NRXN3: variants seen among roughly 807,000 people sequenced by gnomAD.
NRXN3 encodes the protein neurexin 3.
In NRXN3, 32 loss-of-function variants were observed where a neutral mutation model predicts 137.6. The ratio of observed to expected loss-of-function variants is 0.23; its 90% CI spans 0.18 to 0.31. NRXN3 has a LOEUF of 0.31. NRXN3 is among the 10% of genes least tolerant of loss of function. The probability of loss-of-function intolerance (pLI) is 1.00; values close to 1 mark genes in which losing one functional copy is unlikely to be tolerated. For synonymous variants in NRXN3, 798 were observed against 784.5 expected, an observed-to-expected ratio of 1.02 and a Z score of -0.29; for missense variants, 1,574 against 2,062.5, an observed-to-expected ratio of 0.76 and a Z score of 4.59.
intron 15 of NRXN3, among the ~76,000 whole-genome samples, chr14:78,993,197 G>T (rs1384121870): frequency 2.6e-5 from 4 of 152,072 alleles, no homozygotes; most frequent in African/African-American, 9.7e-5. Context: ...TTTATTTATT[G>T]TGTGGGTTTA....
At chr14:78,237,094 A>G (rs2066419807) in intron 1 of NRXN3, among the ~76,000 whole-genome samples, 1 of 152,194 alleles carries the variant, frequency 6.6e-6, no homozygotes, top group African/African-American at 2.4e-5. Flanking sequence ...CCCATATCCT[A>G]TGCCTTTGTT....
intron 1 of NRXN3, among the ~76,000 whole-genome samples, chr14:78,191,984 C>T (rs1218664406): frequency 6.6e-6 from 1 of 151,786 alleles, no homozygotes; most frequent in African/African-American, 2.4e-5. Flanking sequence ...GGTACAAAAT[C>T]CTGGTATTCC....
chr14:79,066,572 T>G (rs1444937653), intron 15 of NRXN3, among the ~76,000 whole-genome samples: 2 of 152,212 alleles, frequency 1.3e-5, no homozygotes, highest in African/African-American at 4.8e-5. Context: ...TAAATTACTT[T>G]GGGCAGTATG....
rs112370292 is a variant in NRXN3, at chr14:79,650,071, G to T, written c.3445-13707G>T. Among the ~76,000 whole-genome samples, 106 of 152,238 alleles carry T rather than the reference G, an allele frequency of 7.0e-4. 1 individual carries two copies. Among genetic ancestry groups the T allele is most frequent in the African/African-American group, 2.5e-3 (102 of 41,546 alleles). On this transcript the variant is annotated intron_variant, in intron 16 of 20. Coordinates refer to ENST00000335750, the MANE Select transcript of NRXN3 (RefSeq NM_001330195.2). The stretch of plus-strand genomic sequence containing the variant: ...GGCAGGTAGTGCAGGAATTGAACTT[G>T]GTTGGAGGACATCCAGCTGGTGTCT...
At chr14:78,588,508 G>A (rs1037642346) in intron 4 of NRXN3, among the ~76,000 whole-genome samples, 1 of 152,184 alleles carries the variant, frequency 6.6e-6, no homozygotes, top group Non-Finnish European at 1.5e-5. Context: ...ATACAGGGCT[G>A]AGATGTGAAC....
intron 15 of NRXN3, among the ~76,000 whole-genome samples, chr14:79,104,819 A>C (rs1344259332): frequency 7.1e-6 from 1 of 141,468 alleles, no homozygotes; most frequent in Non-Finnish European, 1.5e-5. Flanking sequence ...TAATCTTATG[A>C]TAGGGCTTTT....
At chr14:79,257,307 A>G (rs2098903658) in intron 15 of NRXN3, among the ~76,000 whole-genome samples, 2 of 121,596 alleles carry the variant, frequency 1.6e-5, no homozygotes, top group African/African-American at 3.2e-5. Flanking sequence ...AAAGAGTCAC[A>G]TGCTAGAAGT....
intron 20 of NRXN3, chr14:79,854,084 A>G: frequency 1.0e-6 from 1 of 983,994 alleles, no homozygotes; most frequent in Non-Finnish European, 1.2e-6. Context: ...TTTGCTCAAA[A>G]GTTTTTAAGA....
chr14:79,860,536 A>G (rs1195798118), intron 20 of NRXN3, among the ~76,000 whole-genome samples: 1 of 152,218 alleles, frequency 6.6e-6, no homozygotes, highest in Non-Finnish European at 1.5e-5. Context: ...AAAAGACACA[A>G]TCTTTTATGT....
At chr14:79,272,638 A>G (rs1260679100) in intron 15 of NRXN3, among the ~76,000 whole-genome samples, 1 of 152,210 alleles carries the variant, frequency 6.6e-6, no homozygotes, top group East Asian at 1.9e-4. Context: ...AGAGCAGATT[A>G]GGATCTTGAG....
chr14:78,863,414 T>C (rs1442344556), intron 10 of NRXN3, among the ~76,000 whole-genome samples: 1 of 152,098 alleles, frequency 6.6e-6, no homozygotes, highest in Non-Finnish European at 1.5e-5. Context: ...TTTTCCATTG[T>C]TGTTTCTTAT....
chr14:79,720,423 C>G (rs1354245219), intron 19 of NRXN3, among the ~76,000 whole-genome samples: 2 of 152,102 alleles, frequency 1.3e-5, no homozygotes, highest in East Asian at 3.9e-4. Context: ...TCCTGTTTCA[C>G]TCTGCCAGGC....
At chr14:78,268,428 G>A (rs554154435) in intron 2 of NRXN3, among the ~76,000 whole-genome samples, 38 of 152,224 alleles carry the variant, frequency 2.5e-4, no homozygotes, top group South Asian at 2.1e-3. Context: ...AGCATTGGAC[G>A]TTGTACATAC....
At chr14:79,438,074 T>A (rs995427332) in intron 15 of NRXN3, among the ~76,000 whole-genome samples, 2 of 152,194 alleles carry the variant, frequency 1.3e-5, no homozygotes, top group Non-Finnish European at 2.9e-5. Flanking sequence ...AGTCTACTAC[T>A]CTATTGCCTC....
intron 15 of NRXN3, among the ~76,000 whole-genome samples, chr14:79,169,736 T>C (rs1411170947): frequency 6.6e-6 from 1 of 152,150 alleles, no homozygotes; most frequent in Non-Finnish European, 1.5e-5. Flanking sequence ...AGAAAATGTA[T>C]TTTTTAGGGC....
chr14:78,519,851 G>A (rs1354908415), intron 4 of NRXN3, among the ~76,000 whole-genome samples: 2 of 152,176 alleles, frequency 1.3e-5, no homozygotes, highest in Non-Finnish European at 2.9e-5. Flanking sequence ...GAAGTTTAGA[G>A]ATGTTTGTAG....
intron 8 of NRXN3, among the ~76,000 whole-genome samples, chr14:78,749,082 T>G (rs989517178): frequency 1.1e-4 from 16 of 152,208 alleles, no homozygotes; most frequent in African/African-American, 3.6e-4. Flanking sequence ...TTCTGATGAT[T>G]TCTCTTAGAA....
At chr14:78,737,688 C>T (rs763641492) in intron 8 of NRXN3, among the ~76,000 whole-genome samples, 10 of 152,072 alleles carry the variant, frequency 6.6e-5, no homozygotes, top group Non-Finnish European at 1.0e-4. Context: ...TAGCTCTAAA[C>T]GACAGCTGTG....
intron 20 of NRXN3, among the ~76,000 whole-genome samples, chr14:79,818,739 G>GTCTT (rs2099261160): frequency 6.6e-6 from 1 of 152,092 alleles, no homozygotes; most frequent in Admixed American, 6.5e-5. Flanking sequence ...CTTTTTGTGG[G>GTCTT]TCTTTGAGTT....
Sources: gnomAD v4.1 joint callset for allele counts (sites outside exome capture counted in the v4.1 genomes callset) on GRCh38, gnomAD v4.1.1 for gene constraint, MANE v1.5 for transcripts, NCBI Gene and HGNC (gene_info 2026-07-23, HGNC 2026-07-21) for gene names.